Variants in CSF1R observed in about 807,000 individuals in gnomAD.
CSF1R encodes macrophage colony-stimulating factor 1 receptor.
In CSF1R, 40 loss-of-function variants were observed where a neutral mutation model predicts 110.0. That is an observed-to-expected ratio of 0.36 (90% CI 0.28 to 0.47). CSF1R has a LOEUF of 0.47. CSF1R is among the 20% of genes least tolerant of loss of function. The pLI, the probability that CSF1R is intolerant of heterozygous loss-of-function variation, is 0.99. For missense variants in CSF1R, 1,052 were observed against 1,253.0 expected (o/e 0.84, Z 2.42); for synonymous variants, 523 against 503.4 (o/e 1.04, Z -0.52).
chr5:150,075,774 CTG>C (rs915543500), intron 5 of CSF1R, among the ~76,000 whole-genome samples: 19 of 152,178 alleles, frequency 1.2e-4, no homozygotes, highest in African/African-American at 4.6e-4. Flanking sequence ...TGAGTGATGA[CTG>C]TATGCCTGTA....
chr5:150,093,191 G>T (rs138822015), intron 1 of CSF1R, among the ~76,000 whole-genome samples: 1 of 152,094 alleles, frequency 6.6e-6, no homozygotes, highest in East Asian at 1.9e-4. Context: ...CGATTCTCAC[G>T]CATCAGCCTC....
At chr5:150,069,724 A>T in intron 9 of CSF1R, 149 bp downstream of exon 9, 1 of 678,318 alleles carries the variant, frequency 1.5e-6, no homozygotes, top group Non-Finnish European at 2.4e-6. Flanking sequence ...GGACTGGCCC[A>T]GAGAGGTGGA....
chr5:150,092,427 A>G (rs962353588), intron 1 of CSF1R, among the ~76,000 whole-genome samples: 59 of 147,046 alleles, frequency 4.0e-4, no homozygotes, highest in African/African-American at 1.5e-3. Context: ...AACCCTGTAT[A>G]TGCCATGTTT....
chr5:150,078,139 A>G lies in CSF1R; in HGVS notation c.702T>C (p.Asp234=), dbSNP rs773884696. The change falls in exon 4 of 21, where the codon GAT becomes GAC. Residue 234 remains aspartate, a synonymous_variant. Transcript: ENST00000675795. ...CSASSVDVNF[D]VFLQHNNTKL... ...TGGTGTTGTTGTGTTGGAGGAAGAC[A>G]TCAAAGTTAACATCAACGCTGCTGG... The G allele has an allele frequency of 1.2e-6, 2 of 1,614,114 alleles. No homozygotes were observed. The highest frequency in any genetic ancestry group is 1.7e-6 in the Non-Finnish European group (2 of 1,180,006).
In CSF1R at chr5:150,054,141, C is replaced by T. The variant is rs771346354; in HGVS notation, c.2847G>A (p.Glu949=). Residue 949 remains glutamate (E), a synonymous_variant, in exon 21 of 21, where the codon GAG becomes GAA. Coordinates refer to ENST00000675795, the MANE Select transcript of CSF1R (RefSeq NM_001288705.3). ...CCCCTTGCTCGCAGCAGGTCAGGTG[C>T]TCACTAGAGCTCTCCTCCTCCAGCT... ...SSELEEESSS[E]HLTCCEQGDI... 1.4e-5 allele frequency: 22 copies of T among 1,613,852 alleles called. No homozygotes were observed. Among genetic ancestry groups the T allele is most frequent in the Non-Finnish European group, 1.9e-5 (22 of 1,179,904 alleles).
chr5:150,080,637 C>A, intron 2 of CSF1R, 130 bp downstream of exon 2: 2 of 1,201,094 alleles, frequency 1.7e-6, no homozygotes, highest in Non-Finnish European at 2.3e-6. Flanking sequence ...ATTAGCAGCT[C>A]TTCCAGGTCC....
intron 2 of CSF1R, 75 bp downstream of exon 2, chr5:150,080,692 G>C: frequency 6.4e-7 from 1 of 1,566,558 alleles, no homozygotes; most frequent in Non-Finnish European, 8.7e-7. Context: ...GAATTGTTAC[G>C]ATTGTTAATT....
intron 14 of CSF1R, 85 bp from the exon 15 acceptor site, chr5:150,057,677 T>C (rs1757293924): frequency 3.2e-6 from 3 of 937,878 alleles, no homozygotes; most frequent in Non-Finnish European, 5.2e-6. Flanking sequence ...CACCACCCCA[T>C]GGTCAACTGG....
chr5:150,067,639 G>C lies in CSF1R; in HGVS notation c.1626+576C>G, dbSNP rs114742403. ...AACATGAAATAATGAAGAGGATGATGGTCACAGGCCCTCGTCTTCACTAGA... is the reference window on the plus strand; with the variant it reads ...AACATGAAATAATGAAGAGGATGATCGTCACAGGCCCTCGTCTTCACTAGA... On this transcript the variant is annotated intron_variant, in intron 10 of 20. Transcript: ENST00000675795. 8.0e-3 allele frequency among the ~76,000 whole-genome samples: 1,220 copies of C among 152,308 alleles called. 12 individuals carry two copies. The highest frequency in any genetic ancestry group is 0.027 in the African/African-American group (1,133 of 41,562).
chr5:150,073,453 G>A lies in CSF1R; in HGVS notation c.930C>T (p.Ile310=). 6.2e-7 allele frequency: 1 copy of A among 1,614,122 alleles called. No homozygotes were observed. The highest frequency in any genetic ancestry group is 1.1e-5 in the South Asian group (1 of 91,080). Residue 310 remains isoleucine (I), a synonymous_variant, in exon 6 of 21, where the codon ATC becomes ATT. Transcript: ENST00000675795. ...GCCCCTCCCCCACGGTCACCTCCTG[G>A]ATGAGGTTCTGCTCAGAGCTCAAGT... ...YLNLSSEQNL[I]QEVTVGEGLN... is the part of the protein sequence containing the mutation.
rs1581277349 is a variant in CSF1R at position 150,054,674 on chromosome 5, T to C, written c.2655-244A>G. The C allele has an allele frequency of 9.8e-5, 47 of 480,206 alleles. 1 individual carries two copies. In the East Asian group the frequency reaches 1.6e-3, roughly 16 times the overall value. The allele number at this position is 480,206 out of a possible 1,614,324, so 29.7% of individuals were successfully genotyped here. ...GCCATTTTGGTATCCTCAGGGTAAC[T>C]GTAATAACGATCTCTTAAAAGTCTG... On this transcript the variant is annotated intron_variant, in intron 19 of 20. Coordinates refer to ENST00000675795, the MANE Select transcript of CSF1R (RefSeq NM_001288705.3).
chr5:150,097,310 A>AAAGGGAAAGGGG (rs150205315), intron 1 of CSF1R, among the ~76,000 whole-genome samples: 7 of 143,742 alleles, frequency 4.9e-5, no homozygotes, highest in African/African-American at 1.8e-4. Flanking sequence ...AGGGAAAGGG[A>AAAGGGAAAGGGG]AAGGGGAAGG....
At chr5:150,074,305 G>GTTTTTTT (rs35475636) in intron 5 of CSF1R, among the ~76,000 whole-genome samples, 7 of 126,862 alleles carry the variant, frequency 5.5e-5, no homozygotes, top group Non-Finnish European at 9.7e-5. Context: ...GTCCTGACTA[G>GTTTTTTT]TTTTTTTTTT....
At chr5:150,083,817 A>G (rs1302524081) in intron 1 of CSF1R, among the ~76,000 whole-genome samples, 1 of 152,164 alleles carries the variant, frequency 6.6e-6, no homozygotes, top group Non-Finnish European at 1.5e-5. Flanking sequence ...TTCCCTATGT[A>G]AAGAGCCAAT....
intron 1 of CSF1R, among the ~76,000 whole-genome samples, chr5:150,107,250 G>A (rs912552507): frequency 3.9e-5 from 6 of 152,244 alleles, no homozygotes; most frequent in African/African-American, 1.4e-4. Flanking sequence ...TCACCGCCTG[G>A]TGGGAGGTAA....
At position 150,060,968 on chromosome 5, in the gene CSF1R, C is replaced by T. The variant is rs758666245; in HGVS notation, c.1863G>A (p.Thr621=). The change falls in exon 13 of 21, where the codon ACG becomes ACA. Residue 621 remains threonine (T), a synonymous_variant. Coordinates refer to ENST00000675795, the MANE Select transcript of CSF1R (RefSeq NM_001288705.3). The stretch of plus-strand genomic sequence containing the variant: ...GGGCCTCCTTCTCATCAGCATGGGC[C>T]GTGGCTGGGAGGAAGAACCACAGTC... ...LKVAVKMLKS[T]AHADEKEALM... is the part of the protein sequence containing the mutation. The T allele has an allele frequency of 6.3e-6, 10 of 1,595,736 alleles. No homozygotes were observed. The highest frequency in any genetic ancestry group is 2.3e-5 in the South Asian group (2 of 88,006).
chr5:150,073,340 T>C lies in CSF1R; in HGVS notation c.1043A>G (p.Glu348Gly), dbSNP rs1215117792. Residue 348 changes from glutamate (E) to glycine (G), a missense_variant, in exon 6 of 21, where the codon GAG becomes GGG. Glu to Gly is a moderately conservative substitution (Grantham distance 98, BLOSUM62 -2). Transcript: ENST00000675795. ...GGTGGTAGCATTAGCAAGCTTGGGCTCAGGCTGGTGGTCAGAAAAGGGTCC... is the reference window on the plus strand; with the variant it reads ...GGTGGTAGCATTAGCAAGCTTGGGCCCAGGCTGGTGGTCAGAAAAGGGTCC... ...YLGPFSDHQP[E>G]PKLANATTKD... The C allele has an allele frequency of 1.5e-5, 25 of 1,613,914 alleles. No homozygotes were observed. Among genetic ancestry groups the C allele is most frequent in the Non-Finnish European group, 1.9e-5 (23 of 1,180,010 alleles).
At position 150,070,523 on chromosome 5, in the gene CSF1R, G is replaced by A. The variant is rs369678672; in HGVS notation, c.1131C>T (p.Gly377=). The A allele has an allele frequency of 9.7e-6, 15 of 1,552,436 alleles. No homozygotes were observed. The African/African-American group carries it at 2.1e-4, about 21-fold the overall frequency. Residue 377 remains glycine (G), a synonymous_variant, in exon 7 of 21, where the codon GGC becomes GGT. Coordinates refer to ENST00000675795, the MANE Select transcript of CSF1R (RefSeq NM_001288705.3). ...SLPRLKPSEA[G]RYSFLARNPG... Reference sequence around the variant, plus strand: ...GGTTTCTGGCCAGGAAGGAGTAGCGGCCAGCCTCAGAGGGCTTCAGGCGGG... The same window carrying A: ...GGTTTCTGGCCAGGAAGGAGTAGCGACCAGCCTCAGAGGGCTTCAGGCGGG...
intron 14 of CSF1R, among the ~76,000 whole-genome samples, chr5:150,057,992 G>C (rs1223214212): frequency 6.6e-6 from 1 of 152,080 alleles, no homozygotes; most frequent in Non-Finnish European, 1.5e-5. Context: ...TCACACCCCT[G>C]GCTTCACATT....
Sources: allele counts gnomAD v4.1 joint callset (sites outside exome capture counted in the v4.1 genomes callset), GRCh38; gene constraint gnomAD v4.1.1; transcripts MANE v1.5; gene names NCBI Gene and HGNC (gene_info 2026-07-23, HGNC 2026-07-21).